ADAMTS2: variants seen among roughly 807,000 people sequenced by gnomAD.
ADAMTS2 encodes the protein A disintegrin and metalloproteinase with thrombospondin motifs 2.
A neutral mutation model predicts 123.0 loss-of-function variants in ADAMTS2; 50 were observed. That is an observed-to-expected ratio of 0.41 (90% CI 0.32 to 0.51). ADAMTS2 has a LOEUF of 0.51. ADAMTS2 is among the 20% of genes least tolerant of loss of function. The probability of loss-of-function intolerance (pLI) is 0.35; values close to 1 mark genes in which losing one functional copy is unlikely to be tolerated. For missense variants in ADAMTS2, 1,494 were observed against 1,705.2 expected, an observed-to-expected ratio of 0.88 and a Z score of 2.18; for synonymous variants, 678 against 695.4, an observed-to-expected ratio of 0.98 and a Z score of 0.39.
chr5:179,219,927 G>T (rs2113403551), intron 3 of ADAMTS2, among the ~76,000 whole-genome samples: 1 of 152,334 alleles, frequency 6.6e-6, no homozygotes, highest in East Asian at 1.9e-4. Flanking sequence ...TCACCTCCAA[G>T]GATTCACGGG....
chr5:179,271,927 C>T (rs1766547220), intron 3 of ADAMTS2, among the ~76,000 whole-genome samples: 1 of 152,082 alleles, frequency 6.6e-6, no homozygotes, highest in Admixed American at 6.5e-5. Flanking sequence ...CCAGCCCAGG[C>T]CCCTGGAGCA....
chr5:179,207,217 T>C (rs1764718479), intron 4 of ADAMTS2, among the ~76,000 whole-genome samples: 1 of 152,248 alleles, frequency 6.6e-6, no homozygotes, highest in Non-Finnish European at 1.5e-5. Flanking sequence ...TGACGGGACA[T>C]TGAATGACAT....
chr5:179,137,103 GC>G (rs1763078629), intron 12 of ADAMTS2, among the ~76,000 whole-genome samples: 1 of 152,180 alleles, frequency 6.6e-6, no homozygotes, highest in Non-Finnish European at 1.5e-5. Flanking sequence ...AAAACGCTGG[GC>G]CCCCAGACTG....
chr5:179,125,948 T>C, intron 18 of ADAMTS2, 50 bp downstream of exon 18: 1 of 1,611,312 alleles, frequency 6.2e-7, no homozygotes, highest in Non-Finnish European at 8.5e-7. Flanking sequence ...GAGCCCCTGG[T>C]GGCCCCTGGC....
chr5:179,215,188 C>T (rs1342069613), intron 3 of ADAMTS2, among the ~76,000 whole-genome samples: 6 of 152,214 alleles, frequency 3.9e-5, no homozygotes, highest in African/African-American at 1.2e-4. Flanking sequence ...GTGGCTCACG[C>T]CTGTAATTCC....
chr5:179,211,820 G>A (rs1163841414), intron 3 of ADAMTS2, among the ~76,000 whole-genome samples: 2 of 152,182 alleles, frequency 1.3e-5, no homozygotes, highest in Non-Finnish European at 2.9e-5. Flanking sequence ...CTCCAGGCAG[G>A]GGTGTGTGCA....
At chr5:179,302,646 G>GA (rs1756563463) in intron 2 of ADAMTS2, among the ~76,000 whole-genome samples, 1 of 151,880 alleles carries the variant, frequency 6.6e-6, no homozygotes, top group African/African-American at 2.4e-5. Flanking sequence ...TCCCGGGGGG[G>GA]CAAATGGCAG....
At chr5:179,168,539 A>G (rs1006896241) in intron 5 of ADAMTS2, among the ~76,000 whole-genome samples, 2 of 152,376 alleles carry the variant, frequency 1.3e-5, no homozygotes, top group Non-Finnish European at 1.5e-5. Context: ...AAAGGGCTTC[A>G]GACGGTGCCT....
chr5:179,319,919 G>A (rs1347441300), intron 2 of ADAMTS2, among the ~76,000 whole-genome samples: 1 of 152,142 alleles, frequency 6.6e-6, no homozygotes, highest in African/African-American at 2.4e-5. Flanking sequence ...AGAATGCCTG[G>A]TCCCAGACTC....
chr5:179,257,261 A>G (rs1181098413), intron 3 of ADAMTS2, among the ~76,000 whole-genome samples: 2 of 152,230 alleles, frequency 1.3e-5, no homozygotes, highest in Admixed American at 6.5e-5. Context: ...GATATTGCCT[A>G]GAACAAAGGA....
In ADAMTS2 at chr5:179,285,319, AG is replaced by A. The variant is rs1755989796; in HGVS notation, c.535-12256del. Among the ~76,000 whole-genome samples, 1 of 152,246 alleles carries A rather than the reference AG, an allele frequency of 6.6e-6. No homozygotes were observed. The highest frequency in any genetic ancestry group is 2.4e-5 in the African/African-American group (1 of 41,472). On this transcript the variant is annotated intron_variant, in intron 2 of 21. Coordinates refer to ENST00000251582, the MANE Select transcript of ADAMTS2 (RefSeq NM_014244.5). This position sits in a 1 kb window ranked among gnomAD's most constrained non-coding sequence, Gnocchi z 4.9. ...GGGGGAGAGCACAGAGAGAAAGATA[AG>A]GGGGAAAATGGAATAAACAAGATGC...
intron 3 of ADAMTS2, among the ~76,000 whole-genome samples, chr5:179,212,630 C>T (rs138159858): frequency 4.4e-4 from 44 of 99,294 alleles, no homozygotes; most frequent in Admixed American, 9.6e-4. Context: ...GCCCTGAGGG[C>T]GGGTGCAGTG....
chr5:179,341,713 T>C (rs1442726245), intron 2 of ADAMTS2, among the ~76,000 whole-genome samples: 2 of 54,428 alleles, frequency 3.7e-5, no homozygotes, highest in African/African-American at 7.3e-5. Flanking sequence ...AGACTCCGTC[T>C]CAAAAAAAAA....
intron 2 of ADAMTS2, among the ~76,000 whole-genome samples, chr5:179,301,137 C>T (rs912583654): frequency 1.3e-5 from 2 of 149,868 alleles, no homozygotes; most frequent in South Asian, 2.1e-4. Flanking sequence ...AGGCTCTGCT[C>T]GCTCCTGTCC....
At chr5:179,253,681 G>C (rs893775304) in intron 3 of ADAMTS2, among the ~76,000 whole-genome samples, 3 of 151,084 alleles carry the variant, frequency 2.0e-5, no homozygotes, top group African/African-American at 4.9e-5. Context: ...TCTCTAATTT[G>C]TCCTGTCACC....
At chr5:179,282,424 A>G (rs1766940322) in intron 2 of ADAMTS2, among the ~76,000 whole-genome samples, 1 of 152,200 alleles carries the variant, frequency 6.6e-6, no homozygotes, top group African/African-American at 2.4e-5. Flanking sequence ...CTTGTCTTGG[A>G]CCTTTGTCAA....
Position 179,175,276 on chromosome 5 carries a change from T to C in ADAMTS2, c.975+5796A>G, listed in dbSNP as rs1266750341. 8.5e-6 allele frequency among the ~76,000 whole-genome samples: 1 copy of C among 117,988 alleles called. No individual in the cohort carries two copies. Among genetic ancestry groups the C allele is most frequent in the African/African-American group, 3.2e-5 (1 of 31,458 alleles). The allele number at this position is 117,988 out of a possible 152,430, so 77.4% of individuals were successfully genotyped here. On this transcript the variant is annotated intron_variant, in intron 5 of 21. Coordinates refer to ENST00000251582, the MANE Select transcript of ADAMTS2 (RefSeq NM_014244.5). The surrounding 1 kb of genome is among the most constrained non-coding windows in gnomAD (Gnocchi z 4.1). ...TGACCGTTCATGTTCCTTTGGAGGA[T>C]GTCTCTTCCTTGCTTGGGTTCCGCA...
At chr5:179,246,251 A>T (rs1358647725) in intron 3 of ADAMTS2, among the ~76,000 whole-genome samples, 1 of 152,162 alleles carries the variant, frequency 6.6e-6, no homozygotes, top group Non-Finnish European at 1.5e-5. Flanking sequence ...CAAAAGAAAG[A>T]AATATGGACC....
chr5:179,279,996 G>A (rs560217867), intron 2 of ADAMTS2, among the ~76,000 whole-genome samples: 3 of 152,204 alleles, frequency 2.0e-5, no homozygotes, highest in Non-Finnish European at 2.9e-5. Flanking sequence ...CCTTCCTCTT[G>A]GAGAGCGACC....
Sources: gnomAD v4.1 joint callset for allele counts (sites outside exome capture counted in the v4.1 genomes callset) on GRCh38, gnomAD v4.1.1 for gene constraint, Gnocchi (gnomAD v3.1) non-coding constraint, MANE v1.5 for transcripts, NCBI Gene and HGNC (gene_info 2026-07-23, HGNC 2026-07-21) for gene names.